Variants in SUCO observed in about 807,000 individuals in gnomAD.
SUCO encodes SUN domain-containing ossification factor.
A neutral mutation model predicts 148.1 loss-of-function variants in SUCO; 57 were observed. The ratio of observed to expected loss-of-function variants is 0.38; its 90% CI spans 0.31 to 0.48. The LOEUF is 0.48. Ranked by LOEUF, SUCO falls within the 20% of genes least tolerant of loss-of-function variation. SUCO has a pLI of 0.96. For missense variants in SUCO, 1,331 were observed against 1,468.2 expected, an observed-to-expected ratio of 0.91 and a Z score of 1.53; for synonymous variants, 470 against 502.7, an observed-to-expected ratio of 0.93 and a Z score of 0.87.
chr1:172,534,838 C>T (rs1651894393), intron 1 of SUCO, among the ~76,000 whole-genome samples: 1 of 152,160 alleles, frequency 6.6e-6, no homozygotes, highest in Non-Finnish European at 1.5e-5. Context: ...TTTCTTTCCT[C>T]TTTCTTCTTG....
chr1:172,561,449 A>G (rs187563743), intron 6 of SUCO, among the ~76,000 whole-genome samples: 7 of 152,306 alleles, frequency 4.6e-5, no homozygotes, highest in African/African-American at 1.7e-4. Context: ...TCTAGCAACC[A>G]TGAAGGTGGT....
intron 5 of SUCO, 102 bp downstream of exon 5, chr1:172,557,519 G>T (rs1167228669): frequency 6.6e-7 from 1 of 1,513,648 alleles, no homozygotes; most frequent in Non-Finnish European, 9.0e-7. Flanking sequence ...TTGATTGAGA[G>T]AAAGCTGATC....
At chr1:172,541,934 G>A in intron 1 of SUCO, 2 of 730,486 alleles carry the variant, frequency 2.7e-6, no homozygotes, top group Non-Finnish European at 3.3e-6. Context: ...TTTTAACTTG[G>A]GCAACTAGAA....
chr1:172,571,262 T>C (rs1040866010), intron 9 of SUCO, among the ~76,000 whole-genome samples: 1 of 152,226 alleles, frequency 6.6e-6, no homozygotes, highest in Non-Finnish European at 1.5e-5. Context: ...GGTTTCGCTG[T>C]GTTGGCCGGG....
At chr1:172,574,041 T>A in intron 10 of SUCO, 43 bp downstream of exon 10, 5 of 1,197,220 alleles carry the variant, frequency 4.2e-6, no homozygotes, top group Non-Finnish European at 5.9e-6. Flanking sequence ...GTTGGATCTC[T>A]GAAAAAAAGA....
In SUCO at chr1:172,549,617, A is replaced by G. The variant is rs1252644531; in HGVS notation, c.63-1895A>G. ...CTGTAATGAAATTTCCCTTGGCACA[A>G]TAAAGAATGTTTTCTGCTTTCTTAA... On this transcript the variant is annotated intron_variant, in intron 1 of 23. Coordinates refer to ENST00000263688, the MANE Select transcript of SUCO (RefSeq NM_014283.5). 2.6e-5 allele frequency among the ~76,000 whole-genome samples: 4 copies of G among 151,998 alleles called. No individual in the cohort carries two copies. In the East Asian group the frequency reaches 5.8e-4, roughly 22 times the overall value.
intron 18 of SUCO, chr1:172,590,248 G>T (rs2149261377): frequency 3.9e-6 from 3 of 778,626 alleles, no homozygotes; most frequent in Non-Finnish European, 4.7e-6. Context: ...TTCCCAGAGG[G>T]CTCATGGAAA....
intron 11 of SUCO, chr1:172,577,172 A>G (rs1323528068): frequency 4.3e-6 from 1 of 234,814 alleles, no homozygotes; most frequent in African/African-American, 2.3e-5. Context: ...TATATACTTG[A>G]TACATGTCTG....
At chr1:172,546,475 A>G (rs965846777) in intron 1 of SUCO, among the ~76,000 whole-genome samples, 1 of 152,246 alleles carries the variant, frequency 6.6e-6, no homozygotes, top group Non-Finnish European at 1.5e-5. Context: ...TAACTACTTC[A>G]TGATTTTCGT....
intron 19 of SUCO, among the ~76,000 whole-genome samples, chr1:172,591,657 A>C: frequency 6.6e-6 from 1 of 151,550 alleles, no homozygotes; most frequent in East Asian, 1.9e-4. Context: ...TATGTGCCAC[A>C]TTTTCTTAAT....
intron 1 of SUCO, among the ~76,000 whole-genome samples, chr1:172,541,557 T>G (rs1048564491): frequency 7.2e-5 from 11 of 152,134 alleles, no homozygotes; most frequent in Non-Finnish European, 1.6e-4. Context: ...AAATAGAGAT[T>G]TTTGAGGAGG....
chr1:172,554,810 T>C (rs1166755160), intron 3 of SUCO, among the ~76,000 whole-genome samples: 2 of 151,908 alleles, frequency 1.3e-5, no homozygotes, highest in Non-Finnish European at 2.9e-5. Flanking sequence ...TATGGTAATA[T>C]AGTATTTGAT....
intron 5 of SUCO, 66 bp downstream of exon 5, chr1:172,557,483 G>T (rs1200399295): frequency 6.3e-7 from 1 of 1,586,524 alleles, no homozygotes; most frequent in Non-Finnish European, 8.6e-7. Flanking sequence ...TGTTTGAATG[G>T]ACTTTGGTGT....
At chr1:172,568,305 T>TTGCCCCCCCC in intron 6 of SUCO, 3 of 905,988 alleles carry the variant, frequency 3.3e-6, no homozygotes, top group Non-Finnish European at 4.0e-6. Context: ...ATTCTTTGCT[T>TTGCCCCCCCC]CCCACCCACC....
intron 2 of SUCO, 160 bp downstream of exon 2, chr1:172,551,786 G>T (rs969087499): frequency 3.6e-6 from 2 of 558,356 alleles, no homozygotes; most frequent in Non-Finnish European, 6.3e-6. Context: ...AAATTATGAC[G>T]GCTCAGAGAT....
At chr1:172,600,919 C>T (rs1657469023) in intron 20 of SUCO, among the ~76,000 whole-genome samples, 2 of 152,140 alleles carry the variant, frequency 1.3e-5, no homozygotes, top group Non-Finnish European at 2.9e-5. Context: ...ATGTGTTTGA[C>T]AGCAGAAAGA....
intron 15 of SUCO, among the ~76,000 whole-genome samples, chr1:172,583,301 G>C (rs1277286419): frequency 6.6e-6 from 1 of 152,054 alleles, no homozygotes; most frequent in Admixed American, 6.6e-5. Context: ...AGGTCAAAGG[G>C]CAATATTAAA....
chr1:172,600,228 A>T (rs1657411572), intron 20 of SUCO, 60 bp downstream of exon 20: 6 of 1,207,296 alleles, frequency 5.0e-6, no homozygotes, highest in Non-Finnish European at 5.8e-6. Flanking sequence ...TCATAAAGCC[A>T]GGCTTGTTAA....
intron 1 of SUCO, among the ~76,000 whole-genome samples, chr1:172,536,818 C>T (rs1293994472): frequency 6.6e-6 from 1 of 152,120 alleles, no homozygotes; most frequent in Non-Finnish European, 1.5e-5. Flanking sequence ...TCTGTGGCCC[C>T]TTCCTCACAT....
Sources: allele counts gnomAD v4.1 joint callset (sites outside exome capture counted in the v4.1 genomes callset), GRCh38; gene constraint gnomAD v4.1.1; transcripts MANE v1.5; gene names NCBI Gene and HGNC (gene_info 2026-07-23, HGNC 2026-07-21).